The following SCAPER variants were observed in gnomAD, a reference collection of about 807,000 sequenced individuals.
The protein encoded by SCAPER is S phase cyclin A-associated protein in the endoplasmic reticulum.
In SCAPER, 98 loss-of-function variants were observed where a neutral mutation model predicts 182.2. The ratio of observed to expected loss-of-function variants is 0.54; its 90% CI spans 0.46 to 0.64. SCAPER has a LOEUF of 0.64. Ranked by LOEUF, SCAPER falls within the 30% of genes least tolerant of loss-of-function variation. The pLI is 0.00. For missense variants in SCAPER, 1,432 were observed against 1,690.0 expected (o/e 0.85, Z 2.68); for synonymous variants, 605 against 564.6 (o/e 1.07, Z -1.01).
At chr15:76,756,324 T>C (rs1243016846) in intron 14 of SCAPER, among the ~76,000 whole-genome samples, 1 of 151,080 alleles carries the variant, frequency 6.6e-6, no homozygotes, top group African/African-American at 2.4e-5. Flanking sequence ...TGCCTGGAAT[T>C]CCAGTGCTTT....
intron 25 of SCAPER, among the ~76,000 whole-genome samples, chr15:76,444,744 T>C (rs2047875578): frequency 6.6e-6 from 1 of 152,232 alleles, no homozygotes; most frequent in Non-Finnish European, 1.5e-5. Context: ...TCTGGTGACA[T>C]GAATGTTAGA....
At chr15:76,651,464 G>T (rs147640499) in intron 21 of SCAPER, among the ~76,000 whole-genome samples, 2 of 151,982 alleles carry the variant, frequency 1.3e-5, no homozygotes, top group East Asian at 3.9e-4. Flanking sequence ...AATAGGAGTA[G>T]TGAGAGTGAG....
At chr15:76,600,401 G>A (rs1429605316) in intron 22 of SCAPER, among the ~76,000 whole-genome samples, 1 of 101,366 alleles carries the variant, frequency 9.9e-6, no homozygotes, top group African/African-American at 2.8e-5. Context: ...GTGTGTGTGT[G>A]TGTGTGTGTG....
At chr15:76,698,312 A>G (rs1478621768) in intron 20 of SCAPER, among the ~76,000 whole-genome samples, 1 of 152,182 alleles carries the variant, frequency 6.6e-6, no homozygotes, top group African/African-American at 2.4e-5. Context: ...GATTCAACTC[A>G]ATGGACATTT....
At chr15:76,893,984 C>T (rs995345152) in intron 1 of SCAPER, among the ~76,000 whole-genome samples, 5 of 152,228 alleles carry the variant, frequency 3.3e-5, no homozygotes, top group Admixed American at 3.3e-4. Flanking sequence ...GGCGCAGTGG[C>T]TCACACCTGT....
At chr15:76,780,372 G>T (rs780708830) in intron 8 of SCAPER, among the ~76,000 whole-genome samples, 1 of 152,226 alleles carries the variant, frequency 6.6e-6, no homozygotes, top group Non-Finnish European at 1.5e-5. Context: ...CAAAGTGGCC[G>T]GGAAGCTCGA....
At chr15:76,806,060 C>A (rs1434258023) in intron 5 of SCAPER, among the ~76,000 whole-genome samples, 2 of 152,136 alleles carry the variant, frequency 1.3e-5, no homozygotes. Flanking sequence ...TCCTTTGACA[C>A]ACACAAGTTT....
At chr15:76,621,854 C>T in intron 21 of SCAPER, 25 bp from the exon 22 acceptor site, 1 of 1,529,704 alleles carries the variant, frequency 6.5e-7, no homozygotes, top group Non-Finnish European at 8.9e-7. Flanking sequence ...AGTTTTAACA[C>T]AGTTATTTCA....
chr15:76,765,675 T>C (rs772415606), intron 11 of SCAPER, 37 bp from the exon 12 acceptor site: 3 of 1,466,262 alleles, frequency 2.0e-6, no homozygotes, highest in East Asian at 2.5e-5. Flanking sequence ...ATCAAATCTT[T>C]GAACACAATT....
intron 23 of SCAPER, among the ~76,000 whole-genome samples, chr15:76,534,724 T>C (rs894982414): frequency 5.3e-5 from 8 of 152,186 alleles, no homozygotes; most frequent in South Asian, 2.1e-4. Flanking sequence ...ATAGGATGAA[T>C]AGTTCTCTTG....
At chr15:76,721,204 T>C (rs2060217780) in intron 17 of SCAPER, among the ~76,000 whole-genome samples, 1 of 152,240 alleles carries the variant, frequency 6.6e-6, no homozygotes, top group African/African-American at 2.4e-5. Flanking sequence ...ATTGCTTCTT[T>C]TTCTCAGGTT....
chr15:76,348,083 A>T lies in SCAPER; in HGVS notation c.*550T>A, dbSNP rs1596245755. On this transcript the variant is annotated 3_prime_UTR_variant, in exon 32 of 32. Transcript: ENST00000563290. Reference sequence around the variant, plus strand: ...TAGGAGAGTTCGGGCAGACCAATGAATACAACGCCCTAAGTTGATTTCAAA... The same window carrying T: ...TAGGAGAGTTCGGGCAGACCAATGATTACAACGCCCTAAGTTGATTTCAAA... 1 of 152,410 alleles carries T rather than the reference A, an allele frequency of 6.6e-6. No individual in the cohort carries two copies. The highest frequency in any genetic ancestry group is 1.5e-5 in the Non-Finnish European group (1 of 68,072). The allele number at this position is 152,410 out of a possible 1,614,324, so 9.4% of individuals were successfully genotyped here.
chr15:76,744,513 T>C (rs555181174), intron 15 of SCAPER, among the ~76,000 whole-genome samples: 1 of 151,956 alleles, frequency 6.6e-6, no homozygotes, highest in South Asian at 2.1e-4. Flanking sequence ...CATACAAGTG[T>C]CCAACTAACA....
intron 25 of SCAPER, among the ~76,000 whole-genome samples, chr15:76,456,364 A>G (rs1041913229): frequency 6.6e-6 from 1 of 152,206 alleles, no homozygotes; most frequent in Admixed American, 6.5e-5. Flanking sequence ...CATTGAAAAT[A>G]CTTTTCAGTT....
At chr15:76,723,867 ACT>A (rs2060417728) in intron 17 of SCAPER, among the ~76,000 whole-genome samples, 2 of 151,778 alleles carry the variant, frequency 1.3e-5, no homozygotes, top group Non-Finnish European at 1.5e-5. Context: ...ATGGGTCTTG[ACT>A]CTATCCAATT....
At chr15:76,432,869 A>G (rs1003195229) in intron 26 of SCAPER, among the ~76,000 whole-genome samples, 1 of 152,228 alleles carries the variant, frequency 6.6e-6, no homozygotes, top group Non-Finnish European at 1.5e-5. Flanking sequence ...CCTTGGGCTA[A>G]GTACTTAACT....
chr15:76,859,336 A>G (rs1436968162), intron 3 of SCAPER, among the ~76,000 whole-genome samples: 1 of 152,228 alleles, frequency 6.6e-6, no homozygotes, highest in Non-Finnish European at 1.5e-5. Flanking sequence ...CTACAGAGCC[A>G]CATCCTTTAA....
At chr15:76,740,630 C>T (rs1048466053) in intron 15 of SCAPER, among the ~76,000 whole-genome samples, 3 of 151,958 alleles carry the variant, frequency 2.0e-5, no homozygotes, top group Admixed American at 6.6e-5. Flanking sequence ...ACATATAATT[C>T]AGGTAGAAAT....
intron 24 of SCAPER, among the ~76,000 whole-genome samples, chr15:76,488,889 A>G (rs766434048): frequency 6.6e-6 from 1 of 150,646 alleles, no homozygotes; most frequent in Non-Finnish European, 1.5e-5. Context: ...CACCCAGCTA[A>G]TTTTTGTATT....
Sources: gnomAD v4.1 joint callset for allele counts (sites outside exome capture counted in the v4.1 genomes callset) on GRCh38, gnomAD v4.1.1 for gene constraint, MANE v1.5 for transcripts, NCBI Gene and HGNC (gene_info 2026-07-23, HGNC 2026-07-21) for gene names.